The following SBNO2 variants were observed in gnomAD, a reference collection of about 807,000 sequenced individuals.
SBNO2 encodes the protein strawberry notch homolog 2.
A neutral mutation model predicts 146.3 loss-of-function variants in SBNO2; 89 were observed. The observed-to-expected ratio is 0.61, with a 90% confidence interval of 0.51 to 0.73. The LOEUF (loss-of-function observed/expected upper bound fraction) is 0.73. Among genes scored for constraint, SBNO2 ranks in the 30% least tolerant of loss-of-function variants. SBNO2 has a pLI of 0.00. For missense variants in SBNO2, 2,092 were observed against 2,003.7 expected (o/e 1.04, Z -0.84); for synonymous variants, 1,147 against 892.6 (o/e 1.29, Z -5.08).
At chr19:1,123,181 G>T in intron 7 of SBNO2, 136 bp from the exon 8 acceptor site, 1 of 1,011,678 alleles carries the variant, frequency 9.9e-7, no homozygotes, top group Non-Finnish European at 1.5e-6. Context: ...GGTCCCGTTG[G>T]GCGGGTCATG....
chr19:1,149,243 A>G, intron 3 of SBNO2, 126 bp downstream of exon 3: 1 of 846,422 alleles, frequency 1.2e-6, no homozygotes, highest in South Asian at 1.6e-5. Flanking sequence ...GACCACGTGC[A>G]CACCACCCTC....
At chr19:1,145,812 G>A (rs2080184558) in intron 4 of SBNO2, among the ~76,000 whole-genome samples, 1 of 152,144 alleles carries the variant, frequency 6.6e-6, no homozygotes, top group Non-Finnish European at 1.5e-5. Flanking sequence ...CTGCGGGTGA[G>A]GACAGAGCCC....
rs1256656126 is a variant in SBNO2, at chr19:1,108,517, G to A, written c.3804C>T (p.Phe1268=). ...GGAAAGAGAAGTGCGGGGGCGGCGG[G>A]AAGGCCTCGGCCGGGGGGCTGTAGG... The part of the protein sequence containing the change: ...DLTYSPPAEA[F]PPPPHFSFPA... The change falls in exon 32 of 32, where the codon TTC becomes TTT. Residue 1268 remains phenylalanine, a synonymous_variant. Coordinates refer to ENST00000361757, the MANE Select transcript of SBNO2 (RefSeq NM_014963.3). The A allele has an allele frequency of 8.2e-7, 1 of 1,216,582 alleles. No individual in the cohort carries two copies. The highest frequency in any genetic ancestry group is 1.0e-6 in the Non-Finnish European group (1 of 975,682). 75.4% of individuals were successfully genotyped at this position (1,216,582 alleles called of 1,614,324 possible).
At chr19:1,153,953 T>A (rs1374082681) in intron 2 of SBNO2, among the ~76,000 whole-genome samples, 1 of 152,226 alleles carries the variant, frequency 6.6e-6, no homozygotes, top group Non-Finnish European at 1.5e-5. Flanking sequence ...TCCTCAAATG[T>A]GCTTCTTGAA....
At chr19:1,156,517 G>A (rs971508785) in intron 1 of SBNO2, among the ~76,000 whole-genome samples, 6 of 152,028 alleles carry the variant, frequency 3.9e-5, no homozygotes, top group Middle Eastern at 3.4e-3. Context: ...CCACACCACC[G>A]AGCAATTCCA....
At chr19:1,119,393 C>T in intron 13 of SBNO2, 123 bp downstream of exon 13, 1 of 905,792 alleles carries the variant, frequency 1.1e-6, no homozygotes, top group South Asian at 1.7e-5. Context: ...AACGAGCGAC[C>T]CACATTCAGC....
intron 1 of SBNO2, 71 bp from the exon 2 acceptor site, chr19:1,154,473 C>A: frequency 2.6e-6 from 1 of 384,522 alleles, no homozygotes; most frequent in East Asian, 3.7e-5. Context: ...GCCGCCTCTC[C>A]CTCGGGCATG....
At position 1,119,928 on chromosome 19, in the gene SBNO2, G is replaced by T; in HGVS notation, c.1245C>A (p.Arg415=). 1 of 1,548,602 alleles carries T rather than the reference G, an allele frequency of 6.5e-7. No homozygotes were observed. The highest frequency in any genetic ancestry group is 8.7e-7 in the Non-Finnish European group (1 of 1,146,906). Reference sequence around the variant, plus strand: ...CACCTGTGGCGCTGGCGTAGACCACGCGGGCCAGGGGCAGCTTGTTCTGCA... The same window carrying T: ...CACCTGTGGCGCTGGCGTAGACCACTCGGGCCAGGGGCAGCTTGTTCTGCA... ...LDLQNKLPLA[R]VVYASATGAS... Residue 415 remains arginine (R), a synonymous_variant, in exon 12 of 32, where the codon CGC becomes CGA. Transcript: ENST00000361757.
intron 4 of SBNO2, among the ~76,000 whole-genome samples, chr19:1,139,149 G>A (rs938850289): frequency 1.3e-4 from 20 of 152,224 alleles, no homozygotes; most frequent in Non-Finnish European, 7.3e-5. Context: ...GCCGGAACAC[G>A]GCTCAGCCAT....
chr19:1,119,416 T>C, intron 13 of SBNO2, 100 bp downstream of exon 13: 1 of 1,009,472 alleles, frequency 9.9e-7, no homozygotes, highest in Non-Finnish European at 1.5e-6. Context: ...CTCTGGGTGC[T>C]GGGGAAGCAC....
Position 1,109,188 on chromosome 19 carries a change from C to A in SBNO2, c.3372G>T (p.Glu1124Asp), listed in dbSNP as rs1407485881. ...ACAAAGCGTAGCCACTCTCCCAGGG[C>A]TCCTTGGCCTCCTCCGCGGTGACCT... ...FHRVTAEEAK[E>D]PWESGYALSL... is the part of the protein sequence containing the mutation. Residue 1124 changes from glutamate to aspartate, a missense_variant, in exon 30 of 32, where the codon GAG (glutamate) becomes GAT (aspartate). Physicochemically the swap from Glu to Asp is conservative, Grantham distance 45 (BLOSUM62 2). Coordinates refer to ENST00000361757, the MANE Select transcript of SBNO2 (RefSeq NM_014963.3). The surrounding 1 kb of genome is among the most constrained non-coding windows in gnomAD (Gnocchi z 4.2). 1.9e-6 allele frequency: 3 copies of A among 1,562,714 alleles called. No individual in the cohort carries two copies. The highest frequency in any genetic ancestry group is 1.4e-5 in the African/African-American group (1 of 73,584).
At chr19:1,116,339 G>A (rs76253990) in intron 16 of SBNO2, among the ~76,000 whole-genome samples, 4,297 of 151,604 alleles carry the variant, frequency 0.028, 220 homozygotes, top group African/African-American at 0.1. Flanking sequence ...CCGCTCTGAG[G>A]AATGTGGCCG....
rs765354621 is a variant in SBNO2, at chr19:1,112,950, C to T, written c.2248-1G>A. 6.4e-7 allele frequency: 1 copy of T among 1,560,634 alleles called. No homozygotes were observed. Among genetic ancestry groups the T allele is most frequent in the Non-Finnish European group, 8.7e-7 (1 of 1,154,174 alleles). ...CCACGCGGCCTTTCCTGCCGGTCATCTGCAGCCGAGACAGGGACAAAACCG... is the reference window on the plus strand; with the variant it reads ...CCACGCGGCCTTTCCTGCCGGTCATTTGCAGCCGAGACAGGGACAAAACCG... On this transcript the variant is annotated splice_acceptor_variant, in intron 19 of 31. Transcript: ENST00000361757. LOFTEE classifies it high-confidence loss of function. This position sits in a 1 kb window ranked among gnomAD's most constrained non-coding sequence, Gnocchi z 5.9.
rs2080497877 is a variant in SBNO2 at position 1,173,143 on chromosome 19, T to G, written c.-127+1029A>C. Among the ~76,000 whole-genome samples the G allele has an allele frequency of 6.6e-6, 1 of 152,112 alleles. No individual in the cohort carries two copies. The highest frequency in any genetic ancestry group is 6.5e-5 in the Admixed American group (1 of 15,280). On this transcript the variant is annotated intron_variant, in intron 1 of 31. Transcript: ENST00000361757. This position sits in a 1 kb window ranked among gnomAD's most constrained non-coding sequence, Gnocchi z 4.7. ...CTGCCCCCCACGCCCCAGGTCAGTC[T>G]GGGGATTGGTCCCTCCAGGCCCCAC...
Position 1,136,049 on chromosome 19 carries a change from G to A in SBNO2, c.280-8284C>T, listed in dbSNP as rs146263277. On this transcript the variant is annotated intron_variant, in intron 4 of 31. Transcript: ENST00000361757. The surrounding 1 kb of genome is among the most constrained non-coding windows in gnomAD (Gnocchi z 4.2). ...AAAAAAGGCCGCACTGGCCGAGCGG[G>A]TGTTCTGTGCCTGGTGTCCTCATTC... Among the ~76,000 whole-genome samples, 636 of 152,268 alleles carry A rather than the reference G, an allele frequency of 4.2e-3. 4 individuals carry two copies. The highest frequency in any genetic ancestry group is 0.015 in the African/African-American group (608 of 41,570).
intron 4 of SBNO2, among the ~76,000 whole-genome samples, chr19:1,139,981 G>C (rs531714296): frequency 1.3e-5 from 2 of 151,570 alleles, no homozygotes; most frequent in African/African-American, 4.8e-5. Flanking sequence ...GAAAAACAGA[G>C]ACAGAAAAGA....
intron 4 of SBNO2, among the ~76,000 whole-genome samples, chr19:1,130,963 C>G (rs1177226772): frequency 1.3e-5 from 2 of 152,178 alleles, no homozygotes; most frequent in African/African-American, 4.8e-5. Context: ...CAGGTGCCCT[C>G]AGCGATTAGG....
In SBNO2 at chr19:1,109,152, G is replaced by C; in HGVS notation, c.3408C>G (p.His1136Gln). Residue 1136 changes from histidine (H) to glutamine (Q), a missense_variant, in exon 30 of 32, where the codon CAC (histidine) becomes CAG (glutamine). Physicochemically the swap from His to Gln is conservative, Grantham distance 24 (BLOSUM62 0). Coordinates refer to ENST00000361757, the MANE Select transcript of SBNO2 (RefSeq NM_014963.3). The surrounding 1 kb of genome is among the most constrained non-coding windows in gnomAD (Gnocchi z 4.2). ...GCCCTCACCAGGCGCTGTGGCTGCAGTGCGTCAGCGACAAAGCGTAGCCAC... is the reference window on the plus strand; with the variant it reads ...GCCCTCACCAGGCGCTGTGGCTGCACTGCGTCAGCGACAAAGCGTAGCCAC... ...WESGYALSLT[H>Q]CSHSAWNRHC... The C allele has an allele frequency of 1.3e-6, 2 of 1,555,026 alleles. No individual in the cohort carries two copies. Among genetic ancestry groups the C allele is most frequent in the Non-Finnish European group, 1.7e-6 (2 of 1,149,996 alleles).
At chr19:1,171,664 G>A (rs1251436822) in intron 1 of SBNO2, among the ~76,000 whole-genome samples, 1 of 152,182 alleles carries the variant, frequency 6.6e-6, no homozygotes. Context: ...GGCCCTGCCG[G>A]AGGGGCATCC....
Sources: gnomAD v4.1 joint callset for allele counts (sites outside exome capture counted in the v4.1 genomes callset) on GRCh38, gnomAD v4.1.1 for gene constraint, Gnocchi (gnomAD v3.1) non-coding constraint, MANE v1.5 for transcripts, NCBI Gene and HGNC (gene_info 2026-07-23, HGNC 2026-07-21) for gene names.